CDYL: variants seen among roughly 807,000 people sequenced by gnomAD.
CDYL encodes chromodomain Y like.
Under a neutral mutation model 47.3 loss-of-function variants are expected in CDYL, and 8 were observed. That is an observed-to-expected ratio of 0.17 (90% CI 0.10 to 0.31). CDYL has a LOEUF of 0.31. Among genes scored for constraint, CDYL ranks in the 10% least tolerant of loss-of-function variants. The pLI is 1.00. For missense variants in CDYL, 471 were observed against 701.4 expected, an observed-to-expected ratio of 0.67 and a Z score of 3.71; for synonymous variants, 266 against 265.0, an observed-to-expected ratio of 1.00 and a Z score of -0.04.
intron 5 of CDYL, among the ~76,000 whole-genome samples, chr6:4,950,222 T>C (rs895410348): frequency 6.6e-6 from 1 of 152,106 alleles, no homozygotes; most frequent in Non-Finnish European, 1.5e-5. Flanking sequence ...GCCAGGGCCC[T>C]GCAGGAAGGG....
intron 1 of CDYL, among the ~76,000 whole-genome samples, chr6:4,828,355 C>A (rs1376998483): frequency 6.8e-6 from 1 of 147,902 alleles, no homozygotes; most frequent in East Asian, 2.0e-4. Context: ...AACTCCTGGG[C>A]TCAAGTGATC....
intron 2 of CDYL, among the ~76,000 whole-genome samples, chr6:4,908,190 G>T (rs1423164467): frequency 6.6e-6 from 1 of 152,224 alleles, no homozygotes; most frequent in Non-Finnish European, 1.5e-5. Context: ...CCCTTGCAGA[G>T]ATGGGTGTGG....
rs139591157 is a variant in CDYL, at chr6:4,852,545, T to TTCC, written c.25-39166_25-39164dup. ...CTTCCTTCCTTCCAATCTTCCTTCC[T>TTCC]TCCTTCCTTCCTTCCAATCTTCCTT... is the stretch of plus-strand genomic sequence containing the variant. On this transcript the variant is annotated intron_variant, in intron 1 of 6. Transcript: ENST00000397588. 1.4e-3 allele frequency among the ~76,000 whole-genome samples: 181 copies of TTCC among 129,844 alleles called. 12 individuals carry two copies. Among genetic ancestry groups the TTCC allele is most frequent in the African/African-American group, 5.7e-3 (167 of 29,272 alleles). The allele number at this position is 129,844 out of a possible 152,430, so 85.2% of individuals were successfully genotyped here.
chr6:4,744,340 A>T (rs981046473), intron 3 of CDYL, among the ~76,000 whole-genome samples: 1 of 152,144 alleles, frequency 6.6e-6, no homozygotes, highest in African/African-American at 2.4e-5. Flanking sequence ...AAAAAATTTT[A>T]AAAATAGCCA....
intron 1 of CDYL, among the ~76,000 whole-genome samples, chr6:4,882,950 C>A (rs1761802318): frequency 4.6e-5 from 7 of 152,152 alleles, no homozygotes. Context: ...GGGAAATTCT[C>A]CCCTGGCCCT....
chr6:4,903,742 A>G (rs528228248), intron 2 of CDYL, among the ~76,000 whole-genome samples: 1 of 152,284 alleles, frequency 6.6e-6, no homozygotes, highest in Non-Finnish European at 1.5e-5. Flanking sequence ...TGGTGTCCAC[A>G]CAGTTGCTGG....
intron 3 of CDYL, among the ~76,000 whole-genome samples, chr6:4,759,260 C>T (rs990721098): frequency 6.6e-5 from 10 of 152,212 alleles, no homozygotes; most frequent in East Asian, 1.9e-4. Context: ...TGAGCCACCG[C>T]GCCCGGCCAA....
intron 1 of CDYL, among the ~76,000 whole-genome samples, chr6:4,710,482 G>A (rs1025359640): frequency 6.6e-6 from 1 of 150,618 alleles, no homozygotes; most frequent in Admixed American, 6.6e-5. Context: ...ATTTTCTCAT[G>A]TGCCACCAGG....
At chr6:4,822,059 C>T (rs537684231) in intron 1 of CDYL, among the ~76,000 whole-genome samples, 5 of 152,002 alleles carry the variant, frequency 3.3e-5, no homozygotes, top group African/African-American at 1.2e-4. Context: ...ACCTTGACCT[C>T]GTGGGCTCAA....
chr6:4,879,643 C>G (rs1761711555), intron 1 of CDYL, among the ~76,000 whole-genome samples: 1 of 145,260 alleles, frequency 6.9e-6, no homozygotes. Context: ...ATTGCAACCT[C>G]TGCCTCCCGG....
At chr6:4,722,806 G>A (rs1160537485) in intron 2 of CDYL, among the ~76,000 whole-genome samples, 2 of 152,176 alleles carry the variant, frequency 1.3e-5, no homozygotes, top group African/African-American at 2.4e-5. Context: ...GAACCCAGGG[G>A]GCAGAGGTTG....
chr6:4,845,189 G>T (rs1760619904), intron 1 of CDYL, among the ~76,000 whole-genome samples: 1 of 152,134 alleles, frequency 6.6e-6, no homozygotes, highest in Non-Finnish European at 1.5e-5. Flanking sequence ...TTTGCCAAAA[G>T]GTTCAAAAGC....
intron 1 of CDYL, among the ~76,000 whole-genome samples, chr6:4,713,802 G>A (rs971972828): frequency 7.7e-4 from 117 of 151,986 alleles, no homozygotes; most frequent in African/African-American, 1.6e-3. Context: ...TGGCCAGGCC[G>A]GTCTCAAACT....
At position 4,734,923 on chromosome 6, in the gene CDYL, A is replaced by G. The variant is rs747422232; in HGVS notation, c.186+79A>G. 4.1e-5 allele frequency: 64 copies of G among 1,580,062 alleles called. 1 individual carries two copies. The highest frequency in any genetic ancestry group is 3.9e-4 in the Middle Eastern group (2 of 5,174). On this transcript the variant is annotated intron_variant, in intron 3 of 8. Transcript: ENST00000328908. ...GCCCATAGGGGAATCGCCCCACACCACACTCTCCCTTTACATCTGTCCTGT... is the reference window on the plus strand; with the variant it reads ...GCCCATAGGGGAATCGCCCCACACCGCACTCTCCCTTTACATCTGTCCTGT...
rs921184355 is a variant in CDYL at position 4,954,132 on chromosome 6, A to G, written c.*76A>G. 2.7e-6 allele frequency: 4 copies of G among 1,478,126 alleles called. No individual in the cohort carries two copies. The highest frequency in any genetic ancestry group is 3.7e-6 in the Non-Finnish European group (4 of 1,090,620). The allele number at this position is 1,478,126 out of a possible 1,614,324, so 91.6% of individuals were successfully genotyped here. A position where few individuals can be genotyped will look rare whatever the true frequency, so the allele number is the denominator to read the frequency against. On this transcript the variant is annotated 3_prime_UTR_variant, in exon 7 of 7. Transcript: ENST00000397588. ...TCACCGGCTCCAGTTCCCCTGATCC[A>G]TTCTCACAGCCTGAAACAAGCTCAC...
At chr6:4,756,514 T>G (rs1561837916) in intron 3 of CDYL, among the ~76,000 whole-genome samples, 1 of 152,114 alleles carries the variant, frequency 6.6e-6, no homozygotes, top group Non-Finnish European at 1.5e-5. Context: ...ATTATTTGTG[T>G]TACTCATTCA....
intron 1 of CDYL, among the ~76,000 whole-genome samples, chr6:4,837,830 G>C (rs56740053): frequency 0.022 from 3,412 of 152,150 alleles, 133 homozygotes; most frequent in African/African-American, 0.078. Flanking sequence ...CTGGAGTGCA[G>C]TGGCATGCAC....
intron 4 of CDYL, 129 bp from the exon 5 acceptor site, chr6:4,943,417 T>G (rs1462622489): frequency 1.1e-5 from 8 of 696,130 alleles, no homozygotes; most frequent in Non-Finnish European, 1.9e-5. Context: ...GGGGAAGGCC[T>G]TAAACAAATC....
At chr6:4,772,500 G>T (rs1758352238), upstream of CDYL, among the ~76,000 whole-genome samples, 1 of 152,314 alleles carries the variant, frequency 6.6e-6, no homozygotes, top group East Asian at 1.9e-4. Flanking sequence ...TTGGCTCCCA[G>T]TTCAGACAAG....
Sources: allele counts gnomAD v4.1 joint callset (sites outside exome capture counted in the v4.1 genomes callset), GRCh38; gene constraint gnomAD v4.1.1; transcripts MANE v1.5; gene names NCBI Gene and HGNC (gene_info 2026-07-23, HGNC 2026-07-21).